The following CACHD1 variants were observed in gnomAD, a reference collection of about 807,000 sequenced individuals.
The protein encoded by CACHD1 is cache domain containing 1.
CACHD1 carries 71 observed loss-of-function variants against 138.7 expected under a neutral mutation model. The ratio of observed to expected loss-of-function variants is 0.51; its 90% confidence interval spans 0.42 to 0.62. CACHD1 has a LOEUF of 0.62. Ranked by LOEUF, CACHD1 falls within the 20% of genes least tolerant of loss-of-function variation. The probability of loss-of-function intolerance (pLI) is 0.00; values close to 1 mark genes in which losing one functional copy is unlikely to be tolerated. For missense variants in CACHD1, 1,389 were observed against 1,625.3 expected, an observed-to-expected ratio of 0.85 and a Z score of 2.50; for synonymous variants, 578 against 591.5, an observed-to-expected ratio of 0.98 and a Z score of 0.33.
intron 13 of CACHD1, among the ~76,000 whole-genome samples, chr1:64,661,492 T>C (rs1649438925): frequency 6.6e-6 from 1 of 152,138 alleles, no homozygotes; most frequent in Non-Finnish European, 1.5e-5. Flanking sequence ...CACCTCTTCT[T>C]CTCTTTACTC....
Position 64,477,608 on chromosome 1 carries a change from TATTATTATTATTATTA to T in CACHD1, c.198+6667_198+6682del, listed in dbSNP as rs1557454991. ...AGATTATTATTATTATTATTATTAT[TATTATTATTATTATTA>T]TTTTATTTTATTTTTTTTTTTGAGA... On this transcript the variant is annotated intron_variant, in intron 1 of 26. Transcript: ENST00000651257. Among the ~76,000 whole-genome samples, 691 of 145,424 alleles carry T rather than the reference TATTATTATTATTATTA, an allele frequency of 4.8e-3. 11 individuals are homozygous for T. The highest frequency in any genetic ancestry group is 0.017 in the African/African-American group (656 of 39,026).
intron 2 of CACHD1, among the ~76,000 whole-genome samples, chr1:64,578,852 C>CT (rs1017149998): frequency 3.3e-5 from 5 of 152,178 alleles, no homozygotes; most frequent in African/African-American, 1.2e-4. Context: ...CGTAGTATCA[C>CT]TTTCTCTGTA....
chr1:64,566,774 C>T (rs1646886332), intron 2 of CACHD1, among the ~76,000 whole-genome samples: 1 of 150,762 alleles, frequency 6.6e-6, no homozygotes, highest in Admixed American at 6.6e-5. Context: ...ATCTGAATTT[C>T]TTTTTAAAAC....
In CACHD1 at chr1:64,478,900, C is replaced by G. The variant is rs180740626; in HGVS notation, c.198+7958C>G. Among the ~76,000 whole-genome samples the G allele has an allele frequency of 6.0e-5, 9 of 151,108 alleles. No homozygotes were observed. The East Asian group carries it at 1.6e-3, about 26-fold the overall frequency. On this transcript the variant is annotated intron_variant, in intron 1 of 26. Transcript: ENST00000651257. The stretch of plus-strand genomic sequence containing the variant: ...ATGTGGGTCCAATGTTGTCACATGA[C>G]TTTGTTTTTTATGAGAAGCTGGGTG...
intron 4 of CACHD1, among the ~76,000 whole-genome samples, chr1:64,626,886 T>C (rs1390960795): frequency 6.6e-6 from 1 of 152,212 alleles, no homozygotes. Context: ...ATTGAAAGTT[T>C]AGTGTGTATT....
intron 1 of CACHD1, among the ~76,000 whole-genome samples, chr1:64,501,467 A>C (rs1646339716): frequency 6.6e-6 from 1 of 152,206 alleles, no homozygotes; most frequent in Non-Finnish European, 1.5e-5. Flanking sequence ...ATTTTAGTCT[A>C]GGTTCCCCTC....
chr1:64,637,779 A>C (rs899953066), intron 7 of CACHD1, among the ~76,000 whole-genome samples: 5 of 152,204 alleles, frequency 3.3e-5, no homozygotes, highest in Admixed American at 1.3e-4. Flanking sequence ...GTTTAGAGAA[A>C]AAATAACCTA....
intron 1 of CACHD1, among the ~76,000 whole-genome samples, chr1:64,507,410 A>G (rs1011558304): frequency 8.5e-5 from 13 of 152,202 alleles, no homozygotes; most frequent in African/African-American, 2.9e-4. Flanking sequence ...AGCATATGCC[A>G]ATTGAGTTGA....
intron 1 of CACHD1, among the ~76,000 whole-genome samples, chr1:64,533,347 C>T (rs1646604328): frequency 1.3e-5 from 2 of 152,114 alleles, no homozygotes; most frequent in Admixed American, 1.3e-4. Context: ...CAGAGTGAGA[C>T]CCTGTCTCAA....
chr1:64,548,523 T>C (rs771372344), intron 1 of CACHD1, among the ~76,000 whole-genome samples: 1 of 152,216 alleles, frequency 6.6e-6, no homozygotes, highest in Non-Finnish European at 1.5e-5. Context: ...TGTAGTGAAC[T>C]AAGATGTCCC....
chr1:64,500,466 T>C (rs1178437761), intron 1 of CACHD1, among the ~76,000 whole-genome samples: 1 of 152,162 alleles, frequency 6.6e-6, no homozygotes, highest in Non-Finnish European at 1.5e-5. Flanking sequence ...TTCTAAATAG[T>C]ATCCTTGATT....
intron 1 of CACHD1, among the ~76,000 whole-genome samples, chr1:64,535,524 C>G (rs1646625655): frequency 1.3e-5 from 2 of 151,988 alleles, no homozygotes; most frequent in South Asian, 4.2e-4. Context: ...AGAGTTTCAC[C>G]ATGTTGGCCA....
At chr1:64,669,314 A>G (rs1339506865) in intron 16 of CACHD1, among the ~76,000 whole-genome samples, 3 of 152,132 alleles carry the variant, frequency 2.0e-5, no homozygotes, top group Non-Finnish European at 4.4e-5. Context: ...AATGGCAGTT[A>G]TTTTTATCAT....
intron 3 of CACHD1, among the ~76,000 whole-genome samples, chr1:64,588,498 AGCC>A (rs1453832157): frequency 1.3e-5 from 2 of 150,290 alleles, no homozygotes; most frequent in Admixed American, 6.7e-5. Flanking sequence ...CTCATGCCTC[AGCC>A]TGCTGAGTAG....
intron 3 of CACHD1, among the ~76,000 whole-genome samples, chr1:64,593,764 A>G (rs1647126688): frequency 1.3e-5 from 2 of 152,194 alleles, no homozygotes; most frequent in African/African-American, 2.4e-5. Context: ...GTTGAGCTCA[A>G]ATTTAACAAA....
intron 14 of CACHD1, 46 bp from the exon 15 acceptor site, chr1:64,664,452 A>G: frequency 1.9e-6 from 3 of 1,577,782 alleles, no homozygotes; most frequent in East Asian, 2.2e-5. Flanking sequence ...CTCTCTTTTC[A>G]TGTGAGTTTT....
chr1:64,630,287 T>C (rs1209602512), intron 5 of CACHD1, among the ~76,000 whole-genome samples: 2 of 150,914 alleles, frequency 1.3e-5, no homozygotes, highest in Non-Finnish European at 2.9e-5. Context: ...ACTTCATCTG[T>C]GCTTTTCCTA....
chr1:64,626,935 G>A (rs1648118450), intron 4 of CACHD1, among the ~76,000 whole-genome samples: 1 of 151,996 alleles, frequency 6.6e-6, no homozygotes, highest in Non-Finnish European at 1.5e-5. Context: ...TGTAGGTAAG[G>A]ATTTAGTATT....
At chr1:64,641,559 G>T (rs530323899) in intron 7 of CACHD1, among the ~76,000 whole-genome samples, 4 of 152,186 alleles carry the variant, frequency 2.6e-5, no homozygotes, top group South Asian at 4.1e-4. Context: ...AAAGGAAATC[G>T]CCTCCTTTCA....
Sources: allele counts gnomAD v4.1 joint callset (sites outside exome capture counted in the v4.1 genomes callset), GRCh38; gene constraint gnomAD v4.1.1; transcripts MANE v1.5; gene names NCBI Gene and HGNC (gene_info 2026-07-23, HGNC 2026-07-21).